Variants in RBFOX1 observed in about 807,000 individuals in gnomAD.
RBFOX1 encodes RNA binding fox-1 homolog 1.
A neutral mutation model predicts 57.7 loss-of-function variants in RBFOX1; 8 were observed. That is an observed-to-expected ratio of 0.14 (90% CI 0.08 to 0.25). The LOEUF (loss-of-function observed/expected upper bound fraction) is 0.25, where lower values mean the gene tolerates loss of function less well. Ranked by LOEUF, RBFOX1 falls within the 10% of genes least tolerant of loss-of-function variation. The pLI is 1.00. For synonymous variants in RBFOX1, 326 were observed against 222.4 expected, an observed-to-expected ratio of 1.47 and a Z score of -4.15; for missense variants, 611 against 548.5, an observed-to-expected ratio of 1.11 and a Z score of -1.14.
intron 1 of RBFOX1, among the ~76,000 whole-genome samples, chr16:5,320,460 C>G (rs557759416): frequency 1.3e-5 from 2 of 152,294 alleles, no homozygotes; most frequent in Non-Finnish European, 2.9e-5. Flanking sequence ...AGTCCAAGAA[C>G]AAGACCCTCG....
At chr16:7,287,567 G>C (rs1431799877) in intron 4 of RBFOX1, among the ~76,000 whole-genome samples, 1 of 151,976 alleles carries the variant, frequency 6.6e-6, no homozygotes, top group Non-Finnish European at 1.5e-5. Context: ...CTGTGACTTG[G>C]GCTACTTAAA....
intron 1 of RBFOX1, among the ~76,000 whole-genome samples, chr16:6,230,497 G>C (rs1013886976): frequency 1.3e-5 from 2 of 152,164 alleles, no homozygotes; most frequent in Non-Finnish European, 2.9e-5. Flanking sequence ...GTATTAGTCA[G>C]TGTCTGCTGC....
chr16:7,586,341 C>G (rs559226988), intron 6 of RBFOX1, among the ~76,000 whole-genome samples: 2 of 152,240 alleles, frequency 1.3e-5, no homozygotes, highest in Non-Finnish European at 2.9e-5. Context: ...TCAGATGATC[C>G]GATGCCCCTA....
chr16:6,593,047 C>G (rs2097734555), intron 2 of RBFOX1, among the ~76,000 whole-genome samples: 1 of 152,158 alleles, frequency 6.6e-6, no homozygotes, highest in Non-Finnish European at 1.5e-5. Flanking sequence ...CAAAAGTTAG[C>G]TGGGTGTGGT....
chr16:5,385,553 C>T (rs1172670205), intron 1 of RBFOX1, among the ~76,000 whole-genome samples: 2 of 152,082 alleles, frequency 1.3e-5, no homozygotes, highest in Admixed American at 6.6e-5. Flanking sequence ...GGCTTTCTCC[C>T]CCTTAAATGA....
At chr16:5,893,619 C>T in intron 4 of RBFOX1, among the ~76,000 whole-genome samples, 1 of 152,044 alleles carries the variant, frequency 6.6e-6, no homozygotes, top group African/African-American at 2.4e-5. Flanking sequence ...CCAACCTGGC[C>T]AACGTGGCAA....
chr16:5,978,128 CAAAAAAAAAAAAAAAAAAAAAAA>C (rs140908065), intron 4 of RBFOX1, among the ~76,000 whole-genome samples: 1 of 31,516 alleles, frequency 3.2e-5, no homozygotes, highest in Non-Finnish European at 5.2e-5. Flanking sequence ...CTGTCTCTTC[CAAAAAAAAAAAAAAAAAAAAAAA>C]AAAAAAAAAA....
At chr16:6,713,646 A>G (rs1298649803) in intron 3 of RBFOX1, among the ~76,000 whole-genome samples, 1 of 152,176 alleles carries the variant, frequency 6.6e-6, no homozygotes, top group East Asian at 1.9e-4. Context: ...AGCTTCAAAC[A>G]AAATTGAAGT....
chr16:6,192,269 G>A (rs1040060024), intron 1 of RBFOX1, among the ~76,000 whole-genome samples: 12 of 152,166 alleles, frequency 7.9e-5, no homozygotes, highest in Admixed American at 7.9e-4. Flanking sequence ...TCTGTAGGGT[G>A]GCTGTGCTTG....
chr16:7,056,027 C>G (rs2052100637), intron 4 of RBFOX1, among the ~76,000 whole-genome samples: 1 of 152,108 alleles, frequency 6.6e-6, no homozygotes, highest in South Asian at 2.1e-4. Context: ...TTGGCATTGT[C>G]TTTGTATTTT....
chr16:5,975,584 A>G (rs2060045992), intron 4 of RBFOX1, among the ~76,000 whole-genome samples: 1 of 152,156 alleles, frequency 6.6e-6, no homozygotes, highest in African/African-American at 2.4e-5. Context: ...TTCCTGAACC[A>G]GTGTATTCAT....
In RBFOX1 at chr16:7,314,341, A is replaced by G. The variant is rs183541014; in HGVS notation, c.28-203806A>G. On this transcript the variant is annotated intron_variant, in intron 4 of 15. Transcript: ENST00000550418. The stretch of plus-strand genomic sequence containing the variant: ...CTGGTCGTGTTCATAACGGAATTTC[A>G]GGGAGTGGGGTCCTGCCTTGCCATG... Among the ~76,000 whole-genome samples, 127 of 152,238 alleles carry G rather than the reference A, an allele frequency of 8.3e-4. 1 individual carries two copies. The highest frequency in any genetic ancestry group is 2.8e-3 in the African/African-American group (116 of 41,536).
chr16:6,064,238 G>A (rs553938579), intron 1 of RBFOX1, among the ~76,000 whole-genome samples: 1 of 152,192 alleles, frequency 6.6e-6, no homozygotes, highest in Non-Finnish European at 1.5e-5. Flanking sequence ...AAAATCTGAA[G>A]CCCTAGGTTT....
chr16:5,816,213 A>AT (rs1215453570), intron 3 of RBFOX1, among the ~76,000 whole-genome samples: 1 of 152,174 alleles, frequency 6.6e-6, no homozygotes, highest in Admixed American at 6.5e-5. Context: ...GCTTGGAGGC[A>AT]CTGGGATTTC....
At chr16:7,053,579 C>T (rs745392603) in intron 4 of RBFOX1, among the ~76,000 whole-genome samples, 11 of 152,290 alleles carry the variant, frequency 7.2e-5, no homozygotes, top group Non-Finnish European at 1.5e-4. Flanking sequence ...ATTGAAATCT[C>T]TATTGCAAAT....
intron 3 of RBFOX1, among the ~76,000 whole-genome samples, chr16:6,931,332 T>TCC (rs1320864582): frequency 0.011 from 858 of 75,864 alleles, 14 homozygotes; most frequent in African/African-American, 0.042. Flanking sequence ...TATCTATCTA[T>TCC]CTATCTCTAC....
chr16:6,682,220 C>G (rs550610017), intron 3 of RBFOX1, among the ~76,000 whole-genome samples: 1 of 152,270 alleles, frequency 6.6e-6, no homozygotes, highest in Non-Finnish European at 1.5e-5. Context: ...CAACGAACAA[C>G]GCAACAGAGT....
At position 6,724,460 on chromosome 16, in the gene RBFOX1, G is replaced by T. The variant is rs140089120; in HGVS notation, c.-16+69810G>T. On this transcript the variant is annotated intron_variant, in intron 3 of 15. Transcript: ENST00000550418. Reference sequence around the variant, plus strand: ...TGACCTCAGGTGATCCACCCACCTCGTCCTCCCAAAGTGCTGGGATTAAAG... The same window carrying T: ...TGACCTCAGGTGATCCACCCACCTCTTCCTCCCAAAGTGCTGGGATTAAAG... 5.9e-3 allele frequency among the ~76,000 whole-genome samples: 901 copies of T among 152,020 alleles called. 7 individuals carry two copies. Among genetic ancestry groups the T allele is most frequent in the African/African-American group, 0.017 (705 of 41,476 alleles).
intron 3 of RBFOX1, among the ~76,000 whole-genome samples, chr16:6,943,056 C>T (rs549324197): frequency 6.6e-6 from 1 of 152,184 alleles, no homozygotes; most frequent in Non-Finnish European, 1.5e-5. Context: ...CCCTGAATGC[C>T]TTTACGTTAG....
Sources: allele counts gnomAD v4.1 joint callset (sites outside exome capture counted in the v4.1 genomes callset), GRCh38; gene constraint gnomAD v4.1.1; transcripts MANE v1.5; gene names NCBI Gene and HGNC (gene_info 2026-07-23, HGNC 2026-07-21).